ATP6AP2: variants seen among roughly 807,000 people sequenced by gnomAD.
ATP6AP2 encodes ATPase H+ transporting accessory protein 2.
A neutral mutation model predicts 23.4 loss-of-function variants in ATP6AP2; 1 was observed. That is an observed-to-expected ratio of 0.04 (90% CI 0.02 to 0.20). The LOEUF is 0.20. Among genes scored for constraint, ATP6AP2 ranks in the 10% least tolerant of loss-of-function variants. The pLI, the probability that ATP6AP2 is intolerant of heterozygous loss-of-function variation, is 1.00. For synonymous variants in ATP6AP2, 90 were observed against 97.1 expected (o/e 0.93, Z 0.43); for missense variants, 174 against 271.3 (o/e 0.64, Z 2.52).
At chrX:40,581,845 C>T (rs1926333805) in intron 1 of ATP6AP2, among the ~76,000 whole-genome samples, 1 of 111,498 alleles carries the variant, frequency 9.0e-6, no homozygotes, top group Non-Finnish European at 1.9e-5. Context: ...TAATGTATTT[C>T]ATTTGACAGC....
chrX:40,582,388 A>G (rs761005781), intron 1 of ATP6AP2, among the ~76,000 whole-genome samples: 53 of 112,158 alleles, frequency 4.7e-4, no homozygotes, highest in African/African-American at 1.6e-3. Flanking sequence ...AGATCGCGCC[A>G]TTGCACTCCA....
intron 2 of ATP6AP2, chrX:40,590,949 C>A: frequency 3.6e-6 from 1 of 281,235 alleles, no homozygotes; most frequent in Non-Finnish European, 6.3e-6. Flanking sequence ...TGAAAGGTAC[C>A]TATGTTTTGT....
At chrX:40,602,502 C>G (rs747282580) in intron 8 of ATP6AP2, among the ~76,000 whole-genome samples, 1 of 84,980 alleles carries the variant, frequency 1.2e-5, no homozygotes, top group East Asian at 4.0e-4. Context: ...CACAAAAAAT[C>G]AGCCGGGCGT....
At chrX:40,587,486 TC>T (rs919167620) in intron 1 of ATP6AP2, among the ~76,000 whole-genome samples, 11 of 112,065 alleles carry the variant, frequency 9.8e-5, no homozygotes, top group African/African-American at 3.2e-4. Context: ...AATTTGTAAC[TC>T]CCGTGTATCA....
chrX:40,593,568 G>T (rs759050802), intron 3 of ATP6AP2, among the ~76,000 whole-genome samples: 1 of 109,671 alleles, frequency 9.1e-6, no homozygotes, highest in Non-Finnish European at 1.9e-5. Flanking sequence ...GTGCAGTGGC[G>T]CAATGTCATC....
intron 3 of ATP6AP2, among the ~76,000 whole-genome samples, chrX:40,595,555 A>G (rs1926755793): frequency 8.9e-6 from 1 of 112,079 alleles, no homozygotes; most frequent in African/African-American, 3.2e-5. Context: ...AGCTGCTTCA[A>G]TTTGATCGCT....
intron 3 of ATP6AP2, chrX:40,591,667 G>A: frequency 3.8e-6 from 1 of 262,115 alleles, no homozygotes; most frequent in South Asian, 4.4e-5. Context: ...AGTTGGGGTT[G>A]TATCCTGCTA....
chrX:40,592,366 A>G (rs1199975404), intron 3 of ATP6AP2: 2 of 112,253 alleles, frequency 1.8e-5, no homozygotes, highest in Non-Finnish European at 3.8e-5. Context: ...AAAATTGTGA[A>G]AAAAAGGGCC....
chrX:40,597,449 A>G (rs1367960948), intron 4 of ATP6AP2, 78 bp from the exon 5 acceptor site: 1 of 1,095,216 alleles, frequency 9.1e-7, no homozygotes, highest in Non-Finnish European at 1.3e-6. Flanking sequence ...TAATTTATGA[A>G]CAATGTTGTC....
At chrX:40,592,602 A>G in intron 3 of ATP6AP2, 1 of 112,685 alleles carries the variant, frequency 8.9e-6, no homozygotes, top group Middle Eastern at 4.6e-3. Context: ...GATACTTCAA[A>G]ATATTTCATA....
rs1926555019 is a variant in ATP6AP2 at position 40,589,085 on chromosome X, C to T, written c.137C>T (p.Ala46Val). 1.7e-6 allele frequency: 2 copies of T among 1,209,950 alleles called. No homozygotes were observed. The highest frequency in any genetic ancestry group is 2.2e-6 in the Non-Finnish European group (2 of 894,859). The change falls in exon 2 of 9, where the codon GCT (alanine) becomes GTT (valine). Residue 46 changes from alanine to valine, a missense_variant. Transcript: ENST00000636580. ...PIPGERIPDV[A>V]ALSMGFSVKE... ...CCAGGAGAGCGGATCCCAGACGTGGCTGCATTGTCCATGGGCTTCTCTGTG... is the reference window on the plus strand; with the variant it reads ...CCAGGAGAGCGGATCCCAGACGTGGTTGCATTGTCCATGGGCTTCTCTGTG...
chrX:40,591,499 AAC>A, intron 3 of ATP6AP2, 134 bp downstream of exon 3: 1 of 811,243 alleles, frequency 1.2e-6, no homozygotes, highest in Non-Finnish European at 1.8e-6. Flanking sequence ...TTCTTTGACA[AAC>A]ACAATTTCTT....
At chrX:40,594,572 TC>T (rs1477810829) in intron 3 of ATP6AP2, among the ~76,000 whole-genome samples, 2 of 112,737 alleles carry the variant, frequency 1.8e-5, no homozygotes, top group Non-Finnish European at 3.7e-5. Flanking sequence ...CATGGATGGC[TC>T]AGCGCATGGA....
rs1927057134 is a variant in ATP6AP2 at position 40,605,801 on chromosome X, T to C, written c.*46T>C. On this transcript the variant is annotated 3_prime_UTR_variant, in exon 9 of 9. Transcript: ENST00000636580. The stretch of plus-strand genomic sequence containing the variant: ...AGAAAAGGGGGTTGGAAATTGGCTG[T>C]TTTGTTAAAATATATCTTTTAGTGT... 1.9e-6 allele frequency: 2 copies of C among 1,079,668 alleles called. No homozygotes were observed. Among genetic ancestry groups the C allele is most frequent in the Non-Finnish European group, 2.6e-6 (2 of 779,006 alleles). The allele number at this position is 1,079,668 out of a possible 1,213,427, so 89.0% of individuals were successfully genotyped here. A position where few individuals can be genotyped will look rare whatever the true frequency, so the allele number is the denominator to read the frequency against.
chrX:40,593,716 C>T (rs930069873), intron 3 of ATP6AP2, among the ~76,000 whole-genome samples: 2 of 109,939 alleles, frequency 1.8e-5, no homozygotes, highest in Non-Finnish European at 3.8e-5. Flanking sequence ...TCATGTTGGC[C>T]AGGCTGGTCT....
intron 3 of ATP6AP2, among the ~76,000 whole-genome samples, chrX:40,593,036 C>T (rs1241943636): frequency 8.9e-6 from 1 of 111,966 alleles, no homozygotes; most frequent in Non-Finnish European, 1.9e-5. Context: ...TCACTTGAGG[C>T]GAGGAGTCCG....
intron 1 of ATP6AP2, among the ~76,000 whole-genome samples, chrX:40,586,712 G>T (rs765486156): frequency 8.9e-6 from 1 of 111,830 alleles, no homozygotes; most frequent in Non-Finnish European, 1.9e-5. Context: ...TAGAGGAGGG[G>T]TGACTTTCTG....
rs1471159414 is a variant in ATP6AP2 at position 40,593,109 on chromosome X, G to C, written c.300+1744G>C. 5.4e-5 allele frequency among the ~76,000 whole-genome samples: 6 copies of C among 110,952 alleles called. No individual in the cohort carries two copies. In the South Asian group the frequency reaches 1.9e-3, roughly 35 times the overall value. On this transcript the variant is annotated intron_variant, in intron 3 of 8. Coordinates refer to ENST00000636580, the MANE Select transcript of ATP6AP2 (RefSeq NM_005765.3). ...CTGAAAATACAAAAATTAGCCAGGC[G>C]TGGTGGCACGCATCTGTAGTCCCAG... is the stretch of plus-strand genomic sequence containing the variant.
At chrX:40,591,515 A>G (rs1156581201) in intron 3 of ATP6AP2, 150 bp downstream of exon 3, 1 of 699,238 alleles carries the variant, frequency 1.4e-6, no homozygotes, top group Non-Finnish European at 2.1e-6. Context: ...ATTTCTTTTT[A>G]AGAAAATTAC....
Sources: gnomAD v4.1 joint callset for allele counts (sites outside exome capture counted in the v4.1 genomes callset) on GRCh38, gnomAD v4.1.1 for gene constraint, MANE v1.5 for transcripts, NCBI Gene and HGNC (gene_info 2026-07-23, HGNC 2026-07-21) for gene names.